The following BMP6 variants were observed in gnomAD, a reference collection of about 807,000 sequenced individuals.
The protein encoded by BMP6 is bone morphogenetic protein 6, also known as VG-1-R.
Under a neutral mutation model 54.1 loss-of-function variants are expected in BMP6, and 17 were observed. That is an observed-to-expected ratio of 0.31 (90% CI 0.22 to 0.47). The LOEUF (loss-of-function observed/expected upper bound fraction) is 0.47, where lower values mean the gene tolerates loss of function less well. Ranked by LOEUF, BMP6 falls within the 20% of genes least tolerant of loss-of-function variation. The pLI, the probability that BMP6 is intolerant of heterozygous loss-of-function variation, is 1.00. For synonymous variants in BMP6, 328 were observed against 291.2 expected (o/e 1.13, Z -1.28); for missense variants, 720 against 690.4 (o/e 1.04, Z -0.48).
intron 1 of BMP6, among the ~76,000 whole-genome samples, chr6:7,781,615 T>C (rs1324155805): frequency 6.6e-6 from 1 of 151,634 alleles, no homozygotes; most frequent in Non-Finnish European, 1.5e-5. Flanking sequence ...CCGTGTTCAC[T>C]GAGTGCCTAT....
chr6:7,830,773 A>G (rs893157999), intron 1 of BMP6, among the ~76,000 whole-genome samples: 2 of 152,152 alleles, frequency 1.3e-5, no homozygotes, highest in African/African-American at 2.4e-5. Context: ...ATCAGATCTC[A>G]TGAGACTTAT....
intron 1 of BMP6, among the ~76,000 whole-genome samples, chr6:7,805,167 C>CGT (rs1432087235): frequency 6.6e-6 from 1 of 152,154 alleles, no homozygotes; most frequent in African/African-American, 2.4e-5. Flanking sequence ...TAGACAGTGA[C>CGT]GTGAAGGATT....
At chr6:7,753,495 C>G (rs567571595) in intron 1 of BMP6, among the ~76,000 whole-genome samples, 4 of 152,276 alleles carry the variant, frequency 2.6e-5, no homozygotes, top group South Asian at 4.1e-4. Flanking sequence ...CAGTAAGGTT[C>G]GAGAAGCACT....
intron 4 of BMP6, among the ~76,000 whole-genome samples, chr6:7,864,564 G>GTGGCCAA (rs2113280885): frequency 6.6e-6 from 1 of 152,276 alleles, no homozygotes; most frequent in Non-Finnish European, 1.5e-5. Context: ...AAACATGTTG[G>GTGGCCAA]GAAGAGTTAA....
At chr6:7,841,825 G>T (rs1478122843) in intron 1 of BMP6, among the ~76,000 whole-genome samples, 1 of 152,160 alleles carries the variant, frequency 6.6e-6, no homozygotes, top group Non-Finnish European at 1.5e-5. Flanking sequence ...TGTTGTTTTG[G>T]TAGAGGAAAA....
Position 7,726,124 on chromosome 6 carries a change from G to C in BMP6, c.-832G>C, listed in dbSNP as rs1213111096. Among the ~76,000 whole-genome samples the C allele has an allele frequency of 6.6e-6, 1 of 152,236 alleles. No individual in the cohort carries two copies. Among genetic ancestry groups the C allele is most frequent in the Non-Finnish European group, 1.5e-5 (1 of 68,044 alleles). ...AGAAAGCCCACGTTGGCCGCTGCGG[G>C]GAGCGCGGCGTGGAGAGGCGGGAGA... On this transcript the variant is annotated 5_prime_UTR_variant, in exon 1 of 7. Transcript: ENST00000283147.
At chr6:7,838,277 C>A (rs6940057) in intron 1 of BMP6, among the ~76,000 whole-genome samples, 1 of 151,952 alleles carries the variant, frequency 6.6e-6, no homozygotes, top group Non-Finnish European at 1.5e-5. Context: ...TAGGTATGCA[C>A]GTATAGGAAG....
chr6:7,797,026 A>G (rs1244738417), intron 1 of BMP6, among the ~76,000 whole-genome samples: 2 of 152,234 alleles, frequency 1.3e-5, no homozygotes, highest in Non-Finnish European at 2.9e-5. Flanking sequence ...TTTAAATTCT[A>G]AGAATCTAGA....
chr6:7,838,909 TC>T (rs1010500297), intron 1 of BMP6, among the ~76,000 whole-genome samples: 30 of 131,308 alleles, frequency 2.3e-4, no homozygotes, highest in African/African-American at 9.0e-4. Context: ...GCCACTGCAC[TC>T]CAGCCTGGGT....
rs1051370601 is a variant in BMP6, at chr6:7,775,023, A to G, written c.664+47404A>G. On this transcript the variant is annotated intron_variant, in intron 1 of 6. Transcript: ENST00000283147. ...GAACTTACTCTTTTATCAAAAACCT[A>G]CTCCTGAGTTCACTGACCTACTCCC... 2.0e-5 allele frequency among the ~76,000 whole-genome samples: 3 copies of G among 151,764 alleles called. No individual in the cohort carries two copies. The East Asian group carries it at 5.8e-4, about 29-fold the overall frequency.
intron 2 of BMP6, among the ~76,000 whole-genome samples, chr6:7,854,781 C>T (rs1271018536): frequency 3.3e-5 from 5 of 152,186 alleles, no homozygotes; most frequent in Admixed American, 3.3e-4. Flanking sequence ...CAGAGCAAGA[C>T]TCTCTCTCAA....
intron 1 of BMP6, among the ~76,000 whole-genome samples, chr6:7,810,455 C>T (rs543295814): frequency 4.6e-5 from 7 of 152,176 alleles, no homozygotes; most frequent in African/African-American, 7.2e-5. Context: ...CAGCCATGGT[C>T]GGTCTTTTCT....
intron 1 of BMP6, among the ~76,000 whole-genome samples, chr6:7,808,914 TAA>T (rs70982107): frequency 1.5e-4 from 13 of 88,952 alleles, no homozygotes; most frequent in Non-Finnish European, 1.3e-4. Flanking sequence ...ACCCTGTCTC[TAA>T]AAAAAAAAAA....
chr6:7,760,813 A>G (rs1331974601), intron 1 of BMP6, among the ~76,000 whole-genome samples: 1 of 152,210 alleles, frequency 6.6e-6, no homozygotes, highest in Non-Finnish European at 1.5e-5. Flanking sequence ...TGGTGAATAA[A>G]AGTTAAAGTA....
intron 1 of BMP6, among the ~76,000 whole-genome samples, chr6:7,842,586 A>C (rs899519490): frequency 2.6e-5 from 4 of 152,244 alleles, no homozygotes; most frequent in African/African-American, 9.6e-5. Context: ...GAAGTCACTC[A>C]GCACCACTGT....
intron 2 of BMP6, among the ~76,000 whole-genome samples, chr6:7,854,557 G>C (rs186320207): frequency 6.6e-6 from 1 of 152,232 alleles, no homozygotes; most frequent in Non-Finnish European, 1.5e-5. Context: ...AGCACTTGGC[G>C]AGGCCGGGGC....
At chr6:7,874,090 C>T (rs1759569696) in intron 4 of BMP6, among the ~76,000 whole-genome samples, 1 of 152,170 alleles carries the variant, frequency 6.6e-6, no homozygotes, top group Non-Finnish European at 1.5e-5. Flanking sequence ...GGAGACTCCC[C>T]TGCTGCACCC....
At chr6:7,814,810 G>C (rs1469860316) in intron 1 of BMP6, among the ~76,000 whole-genome samples, 1 of 152,020 alleles carries the variant, frequency 6.6e-6, no homozygotes, top group Non-Finnish European at 1.5e-5. Flanking sequence ...TCACATACCG[G>C]GGCCTGTCGG....
chr6:7,868,717 TC>T (rs746849879), intron 4 of BMP6, among the ~76,000 whole-genome samples: 37 of 152,356 alleles, frequency 2.4e-4, no homozygotes, highest in Non-Finnish European at 4.3e-4. Flanking sequence ...CTTTGTCCAG[TC>T]CCCTGCCATG....
Sources: gnomAD v4.1 joint callset for allele counts (sites outside exome capture counted in the v4.1 genomes callset) on GRCh38, gnomAD v4.1.1 for gene constraint, MANE v1.5 for transcripts, NCBI Gene and HGNC (gene_info 2026-07-23, HGNC 2026-07-21) for gene names.